Variants in CATSPER3 observed in about 807,000 individuals in gnomAD.
CATSPER3 encodes cation channel sperm associated 3.
In CATSPER3, 23 loss-of-function variants were observed where a neutral mutation model predicts 36.6. The ratio of observed to expected loss-of-function variants is 0.63; its 90% CI spans 0.45 to 0.89. The LOEUF (loss-of-function observed/expected upper bound fraction) is 0.89, where lower values mean the gene tolerates loss of function less well. Among genes scored for constraint, CATSPER3 ranks in the 40% least tolerant of loss-of-function variants. CATSPER3 has a pLI of 0.00. For synonymous variants in CATSPER3, 172 were observed against 184.1 expected, an observed-to-expected ratio of 0.93 and a Z score of 0.53; for missense variants, 474 against 503.9, an observed-to-expected ratio of 0.94 and a Z score of 0.57.
intron 3 of CATSPER3, among the ~76,000 whole-genome samples, chr5:134,999,054 AT>A (rs1224477826): frequency 1.3e-5 from 2 of 152,194 alleles, no homozygotes; most frequent in Non-Finnish European, 2.9e-5. Context: ...TAGGTCTAGC[AT>A]TTAAGTCTTT....
At position 135,009,393 on chromosome 5, in the gene CATSPER3, G is replaced by T; in HGVS notation, c.839G>T (p.Arg280Leu). 6.2e-7 allele frequency: 1 copy of T among 1,613,390 alleles called. No individual in the cohort carries two copies. Among genetic ancestry groups the T allele is most frequent in the Non-Finnish European group, 8.5e-7 (1 of 1,179,578 alleles). ...HTEDSIRKFE[R>L]ELMLEQQEML... The stretch of plus-strand genomic sequence containing the variant: ...TAGGACTCCATCAGAAAGTTTGAGC[G>T]AGAGCTGATGTTGGAGCAGCAGGAG... The change falls in exon 6 of 8, where the codon CGA becomes CTA. Residue 280 changes from arginine (R) to leucine (L), a missense_variant. Arg to Leu is a moderately radical substitution (Grantham distance 102). Transcript: ENST00000282611.
chr5:134,989,990 A>G (rs1242439561), intron 2 of CATSPER3, among the ~76,000 whole-genome samples: 1 of 152,158 alleles, frequency 6.6e-6, no homozygotes. Flanking sequence ...CTCAAGGAAT[A>G]AGGAGGCCCC....
At chr5:134,991,719 CTTGGAT>C (rs1751881301) in intron 2 of CATSPER3, among the ~76,000 whole-genome samples, 1 of 152,050 alleles carries the variant, frequency 6.6e-6, no homozygotes, top group Admixed American at 6.6e-5. Context: ...TCTTCATGAC[CTTGGAT>C]TTGGTAATGG....
intron 6 of CATSPER3, among the ~76,000 whole-genome samples, chr5:135,010,167 T>G (rs1314557510): frequency 6.6e-6 from 1 of 152,152 alleles, no homozygotes; most frequent in Non-Finnish European, 1.5e-5. Context: ...TTGGACTTCA[T>G]GTGCTGCCTG....
At chr5:134,969,768 AT>A (rs906750475) in intron 1 of CATSPER3, 170 bp from the exon 2 acceptor site, 11 of 701,190 alleles carry the variant, frequency 1.6e-5, no homozygotes, top group Middle Eastern at 6.9e-4. Context: ...TGATCATCAT[AT>A]ATATGTCAGT....
At chr5:134,997,461 C>G (rs981084622) in intron 3 of CATSPER3, among the ~76,000 whole-genome samples, 1 of 152,132 alleles carries the variant, frequency 6.6e-6, no homozygotes, top group Non-Finnish European at 1.5e-5. Context: ...GGAAAGGTGT[C>G]TGTACTTCCA....
At chr5:134,970,805 C>T (rs1004312777) in intron 2 of CATSPER3, among the ~76,000 whole-genome samples, 13 of 152,062 alleles carry the variant, frequency 8.5e-5, no homozygotes, top group African/African-American at 3.1e-4. Flanking sequence ...CTCCTGACCT[C>T]AAGTGAGCTG....
In CATSPER3 at chr5:134,995,650, T is replaced by G. The variant is rs1425770688; in HGVS notation, c.253-623T>G. The G allele has an allele frequency of 2.4e-5, 4 of 163,700 alleles. No homozygotes were observed. In the East Asian group the frequency reaches 6.4e-4, roughly 26 times the overall value. The allele number at this position is 163,700 out of a possible 1,614,324, so 10.1% of individuals were successfully genotyped here. On this transcript the variant is annotated intron_variant, in intron 2 of 7. Transcript: ENST00000282611. ...TGTTTGCTTGTTACAGGGTGGGTGC[T>G]CAGTCACAGCTCTTCCAGTGAATGA...
chr5:135,009,579 G>A (rs1383063609), intron 6 of CATSPER3, 89 bp downstream of exon 6: 13 of 1,468,796 alleles, frequency 8.9e-6, no homozygotes, highest in African/African-American at 5.5e-5. Flanking sequence ...TGGTGCCTGT[G>A]TAGAGAGCAG....
chr5:135,006,604 A>G (rs530880421), intron 3 of CATSPER3, among the ~76,000 whole-genome samples: 109 of 152,258 alleles, frequency 7.2e-4, no homozygotes, highest in East Asian at 5.4e-3. Context: ...TGGGAGGCCA[A>G]GGTGGGTGGA....
At chr5:134,971,188 A>G (rs1751601602) in intron 2 of CATSPER3, among the ~76,000 whole-genome samples, 1 of 151,984 alleles carries the variant, frequency 6.6e-6, no homozygotes, top group Non-Finnish European at 1.5e-5. Context: ...TGACCTCGTG[A>G]TCCGCCCTCC....
At chr5:135,009,027 G>T (rs1045458034) in intron 5 of CATSPER3, 46 bp downstream of exon 5, 3 of 1,613,484 alleles carry the variant, frequency 1.9e-6, no homozygotes, top group Non-Finnish European at 2.5e-6. Flanking sequence ...AGGTGTGGCA[G>T]ATGGAGCTGT....
chr5:134,995,318 T>C (rs1751931751), intron 2 of CATSPER3, among the ~76,000 whole-genome samples: 1 of 152,178 alleles, frequency 6.6e-6, no homozygotes, highest in East Asian at 1.9e-4. Context: ...ACCACTAGTC[T>C]ACTCTCTATC....
At chr5:134,971,201 G>A (rs780177661) in intron 2 of CATSPER3, among the ~76,000 whole-genome samples, 5 of 151,970 alleles carry the variant, frequency 3.3e-5, no homozygotes, top group African/African-American at 4.8e-5. Context: ...CGCCCTCCTC[G>A]GCCTCCCAGA....
At chr5:134,971,791 G>T (rs1751610435) in intron 2 of CATSPER3, among the ~76,000 whole-genome samples, 1 of 152,142 alleles carries the variant, frequency 6.6e-6, no homozygotes, top group African/African-American at 2.4e-5. Flanking sequence ...AATAAAAATT[G>T]AGCAGGTTAG....
At chr5:134,970,945 C>G (rs540946937) in intron 2 of CATSPER3, among the ~76,000 whole-genome samples, 176 of 151,964 alleles carry the variant, frequency 1.2e-3, no homozygotes, top group African/African-American at 3.4e-3. Context: ...AGTGGGACTC[C>G]TATCTCTCTT....
chr5:135,009,884 G>A (rs910238741), intron 6 of CATSPER3, among the ~76,000 whole-genome samples: 3 of 152,172 alleles, frequency 2.0e-5, no homozygotes, highest in Non-Finnish European at 4.4e-5. Flanking sequence ...GACAACCTTG[G>A]TTCTCTCACA....
At chr5:134,972,272 A>G (rs1227506255) in intron 2 of CATSPER3, among the ~76,000 whole-genome samples, 3 of 152,334 alleles carry the variant, frequency 2.0e-5, no homozygotes, top group East Asian at 1.9e-4. Flanking sequence ...TCCGAAATCC[A>G]AAAACTTTGA....
chr5:134,971,231 T>G (rs955011250), intron 2 of CATSPER3, among the ~76,000 whole-genome samples: 1 of 152,062 alleles, frequency 6.6e-6, no homozygotes, highest in Non-Finnish European at 1.5e-5. Context: ...TTACAGACGT[T>G]AGCCACTGTG....
Sources: gnomAD v4.1 joint callset for allele counts (sites outside exome capture counted in the v4.1 genomes callset) on GRCh38, gnomAD v4.1.1 for gene constraint, MANE v1.5 for transcripts, NCBI Gene and HGNC (gene_info 2026-07-23, HGNC 2026-07-21) for gene names.